KIF2C: variants seen among roughly 807,000 people sequenced by gnomAD.
KIF2C encodes the protein kinesin family member 2C.
In KIF2C, 34 loss-of-function variants were observed where a neutral mutation model predicts 97.4. The observed-to-expected ratio is 0.35, with a 90% confidence interval of 0.27 to 0.46. The LOEUF (loss-of-function observed/expected upper bound fraction) is 0.46, where lower values mean the gene tolerates loss of function less well. KIF2C is among the 20% of genes least tolerant of loss of function. The probability of loss-of-function intolerance (pLI) is 1.00; values close to 1 mark genes in which losing one functional copy is unlikely to be tolerated. For missense variants in KIF2C, 750 were observed against 907.6 expected, an observed-to-expected ratio of 0.83 and a Z score of 2.23; for synonymous variants, 313 against 318.2, an observed-to-expected ratio of 0.98 and a Z score of 0.17.
intron 7 of KIF2C, among the ~76,000 whole-genome samples, chr1:44,754,464 G>A (rs1649708726): frequency 6.6e-6 from 1 of 152,116 alleles, no homozygotes; most frequent in African/African-American, 2.4e-5. Flanking sequence ...CTGCAGTACA[G>A]TCCCCTTATT....
At chr1:44,757,999 G>T in intron 12 of KIF2C, 28 bp downstream of exon 12, 1 of 1,614,108 alleles carries the variant, frequency 6.2e-7, no homozygotes, top group Non-Finnish European at 8.5e-7. Flanking sequence ...CTGCTTCAGG[G>T]TTGGGCACAG....
At chr1:44,749,727 G>A (rs1334581323) in intron 4 of KIF2C, among the ~76,000 whole-genome samples, 1 of 152,102 alleles carries the variant, frequency 6.6e-6, no homozygotes, top group East Asian at 1.9e-4. Context: ...AGAGGTTGCA[G>A]TGAGCCAAGA....
At chr1:44,742,680 C>G (rs1246883587) in intron 2 of KIF2C, among the ~76,000 whole-genome samples, 1 of 146,304 alleles carries the variant, frequency 6.8e-6, no homozygotes, top group Admixed American at 6.9e-5. Context: ...GATCATGCCA[C>G]TGCACTCCAG....
intron 19 of KIF2C, 111 bp downstream of exon 19, chr1:44,762,769 A>G (rs1650236304): frequency 1.4e-6 from 1 of 698,606 alleles, no homozygotes; most frequent in Non-Finnish European, 2.5e-6. Context: ...TCACATAGCA[A>G]GAAGCAGCCC....
In KIF2C at chr1:44,754,854, A is replaced by C. The variant is rs1273859857; in HGVS notation, c.759+9A>C. 1 of 1,524,738 alleles carries C rather than the reference A, an allele frequency of 6.6e-7. No homozygotes were observed. The highest frequency in any genetic ancestry group is 2.2e-5 in the East Asian group (1 of 44,458). 94.5% of individuals were successfully genotyped at this position (1,524,738 alleles called of 1,614,324 possible). On this transcript the variant is annotated intron_variant, in intron 8 of 20. Coordinates refer to ENST00000372224, the MANE Select transcript of KIF2C (RefSeq NM_006845.4). ...TTACTATGACTGATCCTGTAAGTAC[A>C]TCCAAAGAACTTCTCTTTCTTAAGT...
Position 44,739,871 on chromosome 1 carries a change from T to C in KIF2C, c.-62T>C, listed in dbSNP as rs1648842508. 3 of 1,474,188 alleles carry C rather than the reference T, an allele frequency of 2.0e-6. No individual in the cohort carries two copies. The highest frequency in any genetic ancestry group is 2.8e-5 in the African/African-American group (2 of 71,950). 91.3% of individuals were successfully genotyped at this position (1,474,188 alleles called of 1,614,324 possible). ...CGGTTTACGCGGCGTTAAGACTTCG[T>C]AGGGTTAGCGAAATTGAGGTTTCTT... On this transcript the variant is annotated 5_prime_UTR_variant, in exon 1 of 21. Transcript: ENST00000372224.
rs925419539 is a variant in KIF2C at position 44,760,073 on chromosome 1, G to C, written c.1368-207G>C. Among the ~76,000 whole-genome samples the C allele has an allele frequency of 6.6e-6, 1 of 152,154 alleles. No homozygotes were observed. The highest frequency in any genetic ancestry group is 6.6e-5 in the Admixed American group (1 of 15,260). ...GACAAAGGCCCTAGTCCAGAATCCA[G>C]TACTAATTTGGCTGCCAGGAAAATG... On this transcript the variant is annotated intron_variant, in intron 14 of 20. Coordinates refer to ENST00000372224, the MANE Select transcript of KIF2C (RefSeq NM_006845.4). This position sits in a 1 kb window ranked among gnomAD's most constrained non-coding sequence, Gnocchi z 4.2.
chr1:44,741,719 T>C (rs1183044737), intron 2 of KIF2C, among the ~76,000 whole-genome samples: 4 of 152,054 alleles, frequency 2.6e-5, no homozygotes, highest in Non-Finnish European at 5.9e-5. Flanking sequence ...CTGGGCACAG[T>C]GGCTCACATG....
At chr1:44,745,027 TA>T (rs1338220943) in intron 2 of KIF2C, among the ~76,000 whole-genome samples, 2 of 151,382 alleles carry the variant, frequency 1.3e-5, no homozygotes, top group East Asian at 3.9e-4. Context: ...CTGTCTCTAC[TA>T]AAAATACAAA....
Position 44,762,331 on chromosome 1 carries a change from T to A in KIF2C, c.1752-15T>A, listed in dbSNP as rs775271236. 8 of 1,607,020 alleles carry A rather than the reference T, an allele frequency of 5.0e-6. No homozygotes were observed. Among genetic ancestry groups the A allele is most frequent in the African/African-American group, 2.7e-5 (2 of 74,748 alleles). ...AGGGGGTGCTGTGGGATCTGAGACC[T>A]CCTTGTTTCCTCAGGGTCAAGGAGC... On this transcript the variant is annotated splice_polypyrimidine_tract_variant and intron_variant, in intron 17 of 20. Transcript: ENST00000372224.
intron 10 of KIF2C, among the ~76,000 whole-genome samples, chr1:44,757,080 G>C (rs1222975546): frequency 2.0e-5 from 3 of 151,638 alleles, no homozygotes; most frequent in African/African-American, 7.3e-5. Flanking sequence ...ACCACACCTG[G>C]CTAATTTTTT....
At chr1:44,766,780 T>C (rs374577357) in intron 19 of KIF2C, 46 bp from the exon 20 acceptor site, 125 of 1,603,444 alleles carry the variant, frequency 7.8e-5, no homozygotes, top group Non-Finnish European at 9.2e-5. Flanking sequence ...CCAGGAATGA[T>C]TTGCTAAATG....
intron 19 of KIF2C, among the ~76,000 whole-genome samples, chr1:44,765,240 A>G (rs1308114026): frequency 6.6e-6 from 1 of 152,168 alleles, no homozygotes; most frequent in East Asian, 1.9e-4. Flanking sequence ...CCTGGGTAAC[A>G]TGGCCCCATC....
At chr1:44,756,762 G>C (rs1459014930) in intron 10 of KIF2C, among the ~76,000 whole-genome samples, 1 of 151,532 alleles carries the variant, frequency 6.6e-6, no homozygotes, top group Non-Finnish European at 1.5e-5. Flanking sequence ...CTGTTGGTCA[G>C]GCTGGTCTCA....
chr1:44,741,863 C>A (rs1257430863), intron 2 of KIF2C, among the ~76,000 whole-genome samples: 1 of 151,768 alleles, frequency 6.6e-6, no homozygotes, highest in Admixed American at 6.6e-5. Flanking sequence ...CATGGTGGTG[C>A]ATGCCTGTGG....
At chr1:44,751,392 C>T (rs1557593249) in intron 5 of KIF2C, among the ~76,000 whole-genome samples, 1 of 151,910 alleles carries the variant, frequency 6.6e-6, no homozygotes, top group Non-Finnish European at 1.5e-5. Context: ...GGTGGGGTAT[C>T]GCCATGTTGG....
At chr1:44,743,004 G>C (rs962151808) in intron 2 of KIF2C, among the ~76,000 whole-genome samples, 6 of 152,212 alleles carry the variant, frequency 3.9e-5, no homozygotes, top group Non-Finnish European at 7.4e-5. Flanking sequence ...CTTAGCTGAA[G>C]CAGCAAGATG....
Position 44,747,672 on chromosome 1 carries a change from C to G in KIF2C, c.288C>G (p.Val96=). The G allele has an allele frequency of 6.2e-7, 1 of 1,613,888 alleles. No individual in the cohort carries two copies. The highest frequency in any genetic ancestry group is 8.5e-7 in the Non-Finnish European group (1 of 1,179,866). Residue 96 remains valine, a synonymous_variant, in exon 4 of 21, where the codon GTC becomes GTG. Coordinates refer to ENST00000372224, the MANE Select transcript of KIF2C (RefSeq NM_006845.4). ...VTIQKQKRRS[V]NSKIPAPKES... is the part of the protein sequence containing the mutation. ...TTCAGAAACAAAAACGGAGATCCGTCAACTCCAAAATTCCTGCTCCAAAAG... is the reference window on the plus strand; with the variant it reads ...TTCAGAAACAAAAACGGAGATCCGTGAACTCCAAAATTCCTGCTCCAAAAG...
chr1:44,762,360 G>GC lies in KIF2C; in HGVS notation c.1771dup (p.His591ProfsTer22). Reference sequence around the variant, plus strand: ...TGTTTCCTCAGGGTCAAGGAGCTGAGCCCCCACAGTGGGCCCAGTGGAGAG... The same window carrying GC: ...TGTTTCCTCAGGGTCAAGGAGCTGAGCCCCCCACAGTGGGCCCAGTGGAGAG... On this transcript the variant is annotated frameshift_variant, in exon 18 of 21. Transcript: ENST00000372224. LOFTEE classifies it high-confidence loss of function. The GC allele has an allele frequency of 6.2e-7, 1 of 1,614,008 alleles. No individual in the cohort carries two copies. The highest frequency in any genetic ancestry group is 8.5e-7 in the Non-Finnish European group (1 of 1,179,894).
Sources: allele counts gnomAD v4.1 joint callset (sites outside exome capture counted in the v4.1 genomes callset), GRCh38; gene constraint gnomAD v4.1.1; non-coding constraint Gnocchi (gnomAD v3.1); transcripts MANE v1.5; gene names NCBI Gene and HGNC (gene_info 2026-07-23, HGNC 2026-07-21).